The following SPRYD4 variants were observed in gnomAD, a reference collection of about 807,000 sequenced individuals.
The protein encoded by SPRYD4 is SPRY domain-containing protein 4.
In SPRYD4, 12 loss-of-function variants were observed where a neutral mutation model predicts 16.6. That is an observed-to-expected ratio of 0.72 (90% CI 0.46 to 1.17). SPRYD4 has a LOEUF of 1.17. Ranked by LOEUF, SPRYD4 falls within the 50% of genes most tolerant of loss-of-function variation. The pLI is 0.00. For missense variants in SPRYD4, 260 were observed against 260.2 expected, an observed-to-expected ratio of 1.00 and a Z score of 0.00; for synonymous variants, 98 against 105.4, an observed-to-expected ratio of 0.93 and a Z score of 0.43.
At position 56,473,737 on chromosome 12, in the gene SPRYD4, T is replaced by G; in HGVS notation, c.*4160T>G. On this transcript the variant is annotated 3_prime_UTR_variant, in exon 2 of 2. Coordinates refer to ENST00000338146, the MANE Select transcript of SPRYD4 (RefSeq NM_207344.4). ...ACCTTTTGGCTTGTTAATTAGCTTCTTTTATTACTCCTGTCCTTTCCTTCC... is the reference window on the plus strand; with the variant it reads ...ACCTTTTGGCTTGTTAATTAGCTTCGTTTATTACTCCTGTCCTTTCCTTCC... The G allele has an allele frequency of 1.0e-6, 1 of 960,502 alleles. No homozygotes were observed. The highest frequency in any genetic ancestry group is 1.5e-6 in the Non-Finnish European group (1 of 675,884). 59.5% of individuals were successfully genotyped at this position (960,502 alleles called of 1,614,324 possible).
At position 56,472,933 on chromosome 12, in the gene SPRYD4, G is replaced by A. The variant is rs1041761797; in HGVS notation, c.*3356G>A. ...GACGGAGTCTCGCTCTGTCGTTCAGGCTGAAGTGTAGTGGCGCGCGGTCTT... is the reference window on the plus strand; with the variant it reads ...GACGGAGTCTCGCTCTGTCGTTCAGACTGAAGTGTAGTGGCGCGCGGTCTT... On this transcript the variant is annotated 3_prime_UTR_variant, in exon 2 of 2. Coordinates refer to ENST00000338146, the MANE Select transcript of SPRYD4 (RefSeq NM_207344.4). 8.2e-6 allele frequency: 5 copies of A among 611,742 alleles called. No homozygotes were observed. The highest frequency in any genetic ancestry group is 2.9e-5 in the East Asian group (1 of 34,218). 37.9% of individuals were successfully genotyped at this position (611,742 alleles called of 1,614,324 possible). A position where few individuals can be genotyped will look rare whatever the true frequency, so the allele number is the denominator to read the frequency against.
chr12:56,471,830 A>G lies in SPRYD4; in HGVS notation c.*2253A>G, dbSNP rs1239434696. 3.1e-6 allele frequency: 5 copies of G among 1,613,822 alleles called. No individual in the cohort carries two copies. The Admixed American group carries it at 8.3e-5, about 27-fold the overall frequency. On this transcript the variant is annotated 3_prime_UTR_variant, in exon 2 of 2. Coordinates refer to ENST00000338146, the MANE Select transcript of SPRYD4 (RefSeq NM_207344.4). ...CTCGATCAGGAATTTAACAACTTCG[A>G]TGTGTCCTAGGAATATGGGCAGAAG... is the stretch of plus-strand genomic sequence containing the variant.
rs1204884563 is a variant in SPRYD4, at chr12:56,471,832, G to A, written c.*2255G>A. The stretch of plus-strand genomic sequence containing the variant: ...CGATCAGGAATTTAACAACTTCGAT[G>A]TGTCCTAGGAATATGGGCAGAAGGA... On this transcript the variant is annotated 3_prime_UTR_variant, in exon 2 of 2. Transcript: ENST00000338146. 4 of 1,613,974 alleles carry A rather than the reference G, an allele frequency of 2.5e-6. No homozygotes were observed. The African/African-American group carries it at 5.3e-5, about 22-fold the overall frequency.
Position 56,469,564 on chromosome 12 carries a change from C to T in SPRYD4, c.611C>T (p.Pro204Leu), listed in dbSNP as rs1869150052. The T allele has an allele frequency of 6.2e-7, 1 of 1,613,316 alleles. No individual in the cohort carries two copies. Among genetic ancestry groups the T allele is most frequent in the Middle Eastern group, 1.7e-4 (1 of 6,050 alleles). The change falls in exon 2 of 2, where the codon CCC becomes CTC. Residue 204 changes from proline to leucine, a missense_variant. Coordinates refer to ENST00000338146, the MANE Select transcript of SPRYD4 (RefSeq NM_207344.4). Reference protein sequence around the residue: ...ELLTHSGLEVPEGL With the variant: ...ELLTHSGLEVLEGL ...CTGACCCATTCAGGGCTTGAGGTGC[C>T]CGAGGGCCTCTAGTATGTCCATTAC...
In SPRYD4 at chr12:56,469,610, T is replaced by C; in HGVS notation, c.*33T>C. ...ATTACTGGAGTCCCTAATCACGCCT[T>C]TGGCCAGCCTCCTTTTGAAAGTGTC... On this transcript the variant is annotated 3_prime_UTR_variant, in exon 2 of 2. Coordinates refer to ENST00000338146, the MANE Select transcript of SPRYD4 (RefSeq NM_207344.4). 6.4e-7 allele frequency: 1 copy of C among 1,574,502 alleles called. No homozygotes were observed. Among genetic ancestry groups the C allele is most frequent in the Non-Finnish European group, 8.6e-7 (1 of 1,159,404 alleles).
chr12:56,472,200 G>A lies in SPRYD4; in HGVS notation c.*2623G>A, dbSNP rs777197283. The A allele has an allele frequency of 1.2e-6, 2 of 1,614,080 alleles. No homozygotes were observed. Among genetic ancestry groups the A allele is most frequent in the Non-Finnish European group, 1.7e-6 (2 of 1,179,958 alleles). ...TCCATGGCTGACAAGGCAAACCTGA[G>A]GGTAGTGGGAAAGCAGCTAGAGTTG... On this transcript the variant is annotated 3_prime_UTR_variant, in exon 2 of 2. Transcript: ENST00000338146.
Position 56,469,141 on chromosome 12 carries a change from A to G in SPRYD4, c.188A>G (p.Lys63Arg), listed in dbSNP as rs1869126509. ...GGCTTGGTGGGATTGGAGCCCACCA[A>G]GGTGGCCTTGAATGTGGAGCGCTTC... is the stretch of plus-strand genomic sequence containing the variant. ...KYGLVGLEPTKVALNVERFRE... is the reference protein window; with the variant it reads ...KYGLVGLEPTRVALNVERFRE... The change falls in exon 2 of 2, where the codon AAG becomes AGG. Residue 63 changes from lysine to arginine, a missense_variant. By Grantham distance (26) the Lys-to-Arg change is conservative. Coordinates refer to ENST00000338146, the MANE Select transcript of SPRYD4 (RefSeq NM_207344.4). 1 of 1,614,022 alleles carries G rather than the reference A, an allele frequency of 6.2e-7. No individual in the cohort carries two copies. Among genetic ancestry groups the G allele is most frequent in the Non-Finnish European group, 8.5e-7 (1 of 1,180,014 alleles).
In SPRYD4 at chr12:56,473,082, G is replaced by C. The variant is rs1869453662; in HGVS notation, c.*3505G>C. On this transcript the variant is annotated 3_prime_UTR_variant, in exon 2 of 2. Coordinates refer to ENST00000338146, the MANE Select transcript of SPRYD4 (RefSeq NM_207344.4). ...TTTTTTGTATTTTCAATAGAGACCAGGTTTCACCGTGTTAGCCAGGATGGT... is the reference window on the plus strand; with the variant it reads ...TTTTTTGTATTTTCAATAGAGACCACGTTTCACCGTGTTAGCCAGGATGGT... 1.4e-6 allele frequency: 1 copy of C among 726,848 alleles called. No homozygotes were observed. Among genetic ancestry groups the C allele is most frequent in the South Asian group, 1.8e-5 (1 of 54,364 alleles). The allele number at this position is 726,848 out of a possible 1,614,324, so 45.0% of individuals were successfully genotyped here.
Position 56,476,277 on chromosome 12 carries a change from TTCA to T in SPRYD4, c.*6701_*6703del. On this transcript the variant is annotated 3_prime_UTR_variant, in exon 2 of 2. Transcript: ENST00000338146. Reference sequence around the variant, plus strand: ...TCCCAGGCTCAAGCGATCCTCCCACTTCAGCCTCCAAGTAGCTCGGATTACAGG... The same window carrying T: ...TCCCAGGCTCAAGCGATCCTCCCACTGCCTCCAAGTAGCTCGGATTACAGG... 1 of 361,932 alleles carries T rather than the reference TTCA, an allele frequency of 2.8e-6. No homozygotes were observed. Among genetic ancestry groups the T allele is most frequent in the Non-Finnish European group, 5.1e-6 (1 of 194,858 alleles). The allele number at this position is 361,932 out of a possible 1,614,324, so 22.4% of individuals were successfully genotyped here.
chr12:56,477,682 A>G lies in SPRYD4; in HGVS notation c.*8105A>G, dbSNP rs755602001. On this transcript the variant is annotated 3_prime_UTR_variant, in exon 2 of 2. Transcript: ENST00000338146. Reference sequence around the variant, plus strand: ...GACCTTGATCAGGGAGCTGACAACAATGGCACCAGCATTGACCATGGGGTT... The same window carrying G: ...GACCTTGATCAGGGAGCTGACAACAGTGGCACCAGCATTGACCATGGGGTT... 1 of 1,613,676 alleles carries G rather than the reference A, an allele frequency of 6.2e-7. No homozygotes were observed.
At position 56,474,741 on chromosome 12, in the gene SPRYD4, T is replaced by G. The variant is rs1869641743; in HGVS notation, c.*5164T>G. On this transcript the variant is annotated 3_prime_UTR_variant, in exon 2 of 2. Transcript: ENST00000338146. ...CACAGCTATGAAAACAAAGAATAGG[T>G]GAAGATGTGACGTGAACCTGCACAT... is the stretch of plus-strand genomic sequence containing the variant. 6.2e-7 allele frequency: 1 copy of G among 1,608,896 alleles called. No individual in the cohort carries two copies.
Position 56,475,283 on chromosome 12 carries a change from A to G in SPRYD4, c.*5706A>G. On this transcript the variant is annotated 3_prime_UTR_variant, in exon 2 of 2. Transcript: ENST00000338146. ...AATTTCTGAACCTGAGCAAACACTC[A>G]GCATAGTTTTGTTATAAAGTAAACC... 6.7e-7 allele frequency: 1 copy of G among 1,494,232 alleles called. No individual in the cohort carries two copies. Among genetic ancestry groups the G allele is most frequent in the Non-Finnish European group, 9.0e-7 (1 of 1,111,556 alleles). The allele number at this position is 1,494,232 out of a possible 1,614,324, so 92.6% of individuals were successfully genotyped here.
chr12:56,468,852 C>A, intron 1 of SPRYD4, 176 bp downstream of exon 1: 2 of 1,025,412 alleles, frequency 2.0e-6, no homozygotes, highest in Non-Finnish European at 2.8e-6. Flanking sequence ...GGGACTTACT[C>A]AATCCGAGTT....
In SPRYD4 at chr12:56,471,211, A is replaced by C; in HGVS notation, c.*1634A>C. ...GAGGAGACCTGGGTGAAGAGCTGGG[A>C]TGGTTTTGAGTGGGGCAAGCCATTA... On this transcript the variant is annotated 3_prime_UTR_variant, in exon 2 of 2. Transcript: ENST00000338146. The C allele has an allele frequency of 2.3e-6, 1 of 436,382 alleles. No homozygotes were observed. Among genetic ancestry groups the C allele is most frequent in the South Asian group, 8.1e-5 (1 of 12,368 alleles). The allele number at this position is 436,382 out of a possible 1,614,324, so 27.0% of individuals were successfully genotyped here.
chr12:56,477,916 G>A lies in SPRYD4; in HGVS notation c.*8339G>A. The A allele has an allele frequency of 6.2e-7, 1 of 1,609,216 alleles. No homozygotes were observed. Among genetic ancestry groups the A allele is most frequent in the South Asian group, 1.1e-5 (1 of 90,124 alleles). ...GGGGACAGCTGTAAGTACGGTCTGA[G>A]CCTTGGTAGTGCTCACCTTCCTCAT... On this transcript the variant is annotated 3_prime_UTR_variant, in exon 2 of 2. Transcript: ENST00000338146.
chr12:56,474,364 T>A lies in SPRYD4; in HGVS notation c.*4787T>A, dbSNP rs991030337. 3 of 715,596 alleles carry A rather than the reference T, an allele frequency of 4.2e-6. No homozygotes were observed. The highest frequency in any genetic ancestry group is 2.3e-6 in the Non-Finnish European group (1 of 439,834). The allele number at this position is 715,596 out of a possible 1,614,324, so 44.3% of individuals were successfully genotyped here. On this transcript the variant is annotated 3_prime_UTR_variant, in exon 2 of 2. Transcript: ENST00000338146. ...TCGGCCTCCCAAAGACATCTCTTTA[T>A]ATATTCGAGGAACTTGGTGTTTTTG...
In SPRYD4 at chr12:56,477,741, G is replaced by A; in HGVS notation, c.*8164G>A. 1 of 1,607,656 alleles carries A rather than the reference G, an allele frequency of 6.2e-7. No individual in the cohort carries two copies. Among genetic ancestry groups the A allele is most frequent in the Non-Finnish European group, 8.5e-7 (1 of 1,176,696 alleles). ...TTCCTGGGGAAATACAAACCACCAAGAGTCTTAGCCACTGAACAAAGCCTC... is the reference window on the plus strand; with the variant it reads ...TTCCTGGGGAAATACAAACCACCAAAAGTCTTAGCCACTGAACAAAGCCTC... On this transcript the variant is annotated 3_prime_UTR_variant, in exon 2 of 2. Transcript: ENST00000338146.
At position 56,472,099 on chromosome 12, in the gene SPRYD4, C is replaced by T. The variant is rs1028321774; in HGVS notation, c.*2522C>T. 1.9e-6 allele frequency: 3 copies of T among 1,612,542 alleles called. No homozygotes were observed. The highest frequency in any genetic ancestry group is 2.2e-5 in the South Asian group (2 of 90,916). On this transcript the variant is annotated 3_prime_UTR_variant, in exon 2 of 2. Transcript: ENST00000338146. ...GGTCTTATGATTACCCTCCTCCTCCCCTCCTTAACCCTTCAGTACCTTCAG... is the reference window on the plus strand; with the variant it reads ...GGTCTTATGATTACCCTCCTCCTCCTCTCCTTAACCCTTCAGTACCTTCAG...
chr12:56,479,346 C>T lies in SPRYD4; in HGVS notation c.*9769C>T, dbSNP rs942005732. 6.1e-5 allele frequency: 46 copies of T among 759,670 alleles called. No individual in the cohort carries two copies. Among genetic ancestry groups the T allele is most frequent in the Non-Finnish European group, 8.1e-5 (41 of 506,546 alleles). 47.1% of individuals were successfully genotyped at this position (759,670 alleles called of 1,614,324 possible). A position where few individuals can be genotyped will look rare whatever the true frequency, so the allele number is the denominator to read the frequency against. On this transcript the variant is annotated 3_prime_UTR_variant, in exon 2 of 2. Transcript: ENST00000338146. ...GTTTACCTTTCTAGGTCTTAGTTTC[C>T]GTACCTCTAAAATGAGGGGTTTTAA...
Sources: gnomAD v4.1 joint callset for allele counts on GRCh38, gnomAD v4.1.1 for gene constraint, MANE v1.5 for transcripts, NCBI Gene and HGNC (gene_info 2026-07-23, HGNC 2026-07-21) for gene names.